PCDHA5: variants seen among roughly 807,000 people sequenced by gnomAD.
PCDHA5 encodes the protein protocadherin alpha-5.
In PCDHA5, 43 loss-of-function variants were observed where a neutral mutation model predicts 61.6. The ratio of observed to expected loss-of-function variants is 0.70; its 90% CI spans 0.55 to 0.90. PCDHA5 has a LOEUF of 0.90. Among genes scored for constraint, PCDHA5 ranks in the 40% least tolerant of loss-of-function variants. The pLI, the probability that PCDHA5 is intolerant of heterozygous loss-of-function variation, is 0.00. For synonymous variants in PCDHA5, 627 were observed against 543.9 expected, an observed-to-expected ratio of 1.15 and a Z score of -2.13; for missense variants, 1,298 against 1,222.7, an observed-to-expected ratio of 1.06 and a Z score of -0.92.
At position 140,841,506 on chromosome 5, in the gene PCDHA5, G is replaced by C. The variant is rs2150316870; in HGVS notation, c.2352+17379G>C. ...CTGGAGCTGGCGGAGCTGGTGCCGC[G>C]CCTGTTCCGGGTGGCGTCCAAAAGA... On this transcript the variant is annotated intron_variant, in intron 1 of 3. Coordinates refer to ENST00000529859, the MANE Select transcript of PCDHA5 (RefSeq NM_018908.3). 4 of 1,613,388 alleles carry C rather than the reference G, an allele frequency of 2.5e-6. No homozygotes were observed. Among genetic ancestry groups the C allele is most frequent in the Admixed American group, 1.7e-5 (1 of 60,006 alleles).
intron 1 of PCDHA5, chr5:140,830,263 G>T: frequency 6.2e-7 from 1 of 1,613,640 alleles, no homozygotes; most frequent in African/African-American, 1.3e-5. Flanking sequence ...TGCGGTGCTC[G>T]GCGCCACCCA....
intron 1 of PCDHA5, chr5:140,968,773 A>G (rs528972800): frequency 4.3e-6 from 7 of 1,614,206 alleles, no homozygotes; most frequent in Non-Finnish European, 5.1e-6. Flanking sequence ...GAGAGCCATC[A>G]CTATCAGCCT....
In PCDHA5 at chr5:140,843,548, A is replaced by G. The variant is rs2150362453; in HGVS notation, c.2352+19421A>G. ...GGGCAAGCCCACTCTGGTGTGCTCC[A>G]GTGCGGTGGGGAGCTGGTCATACTC... On this transcript the variant is annotated intron_variant, in intron 1 of 3. Coordinates refer to ENST00000529859, the MANE Select transcript of PCDHA5 (RefSeq NM_018908.3). 4 of 1,595,966 alleles carry G rather than the reference A, an allele frequency of 2.5e-6. 1 individual carries two copies. The South Asian group carries it at 4.4e-5, about 18-fold the overall frequency.
chr5:140,857,928 C>A (rs529968685), intron 1 of PCDHA5: 1 of 1,597,668 alleles, frequency 6.3e-7, no homozygotes, highest in East Asian at 2.2e-5. Flanking sequence ...GGGCTGTACA[C>A]GGGCGAGATC....
At chr5:140,941,754 T>A (rs2093159057) in intron 1 of PCDHA5, among the ~76,000 whole-genome samples, 1 of 152,256 alleles carries the variant, frequency 6.6e-6, no homozygotes, top group African/African-American at 2.4e-5. Context: ...AGATTTTCAG[T>A]GCTTTTAAGA....
intron 3 of PCDHA5, 123 bp downstream of exon 3, chr5:140,982,686 C>T: frequency 2.8e-6 from 4 of 1,418,870 alleles, no homozygotes; most frequent in Non-Finnish European, 3.7e-6. Context: ...TCCCTTTTTT[C>T]CATACATACA....
At chr5:141,003,515 G>T (rs1402480495) in intron 3 of PCDHA5, among the ~76,000 whole-genome samples, 1 of 152,114 alleles carries the variant, frequency 6.6e-6, no homozygotes, top group African/African-American at 2.4e-5. Context: ...GTTTCACCAT[G>T]TTCCCTAGGC....
chr5:140,976,814 A>G (rs1276394910), intron 1 of PCDHA5, among the ~76,000 whole-genome samples: 1 of 152,242 alleles, frequency 6.6e-6, no homozygotes, highest in East Asian at 1.9e-4. Flanking sequence ...GAAGATATGC[A>G]TGTGTCTAAT....
chr5:140,940,413 A>G (rs2092607327), intron 1 of PCDHA5, among the ~76,000 whole-genome samples: 1 of 152,166 alleles, frequency 6.6e-6, no homozygotes, highest in East Asian at 1.9e-4. Context: ...TTTAAAAATT[A>G]TAATTATTAC....
At chr5:140,845,678 G>T (rs1374984475) in intron 1 of PCDHA5, among the ~76,000 whole-genome samples, 3 of 149,382 alleles carry the variant, frequency 2.0e-5, no homozygotes, top group Non-Finnish European at 4.5e-5. Flanking sequence ...CATTGGTAAA[G>T]GATTTGTTAT....
intron 1 of PCDHA5, 34 bp downstream of exon 1, chr5:140,824,161 T>G: frequency 9.3e-6 from 15 of 1,610,948 alleles, no homozygotes; most frequent in Non-Finnish European, 1.2e-5. Flanking sequence ...CATCTTTCCC[T>G]CCCAATTTTC....
chr5:140,849,787 G>A lies in PCDHA5; in HGVS notation c.2352+25660G>A, dbSNP rs1421161535. The stretch of plus-strand genomic sequence containing the variant: ...CTGGTGGTTACCGCGCGGGACGGGG[G>A]CTCGCCTTCACTGTGGGCCACGGCC... On this transcript the variant is annotated intron_variant, in intron 1 of 3. Transcript: ENST00000529859. 3.1e-6 allele frequency: 5 copies of A among 1,598,342 alleles called. 1 individual carries two copies. The highest frequency in any genetic ancestry group is 3.4e-4 in the Middle Eastern group (2 of 5,864).
At chr5:140,993,437 C>A (rs1193523462) in intron 3 of PCDHA5, among the ~76,000 whole-genome samples, 1 of 150,056 alleles carries the variant, frequency 6.7e-6, no homozygotes, top group Non-Finnish European at 1.5e-5. Context: ...AATCCTTATT[C>A]ATTCCTGTTC....
chr5:140,955,359 C>A (rs1390938554), intron 1 of PCDHA5, among the ~76,000 whole-genome samples: 1 of 151,992 alleles, frequency 6.6e-6, no homozygotes, highest in African/African-American at 2.4e-5. Context: ...TGAGAGGGAC[C>A]CAGTGGGAGG....
chr5:140,871,702 T>C, intron 1 of PCDHA5: 1 of 877,954 alleles, frequency 1.1e-6, no homozygotes, highest in Non-Finnish European at 1.7e-6. Flanking sequence ...CTTTAACCAA[T>C]AAATGTCCTA....
intron 1 of PCDHA5, chr5:140,868,934 G>T: frequency 2.7e-6 from 3 of 1,116,548 alleles, no homozygotes; most frequent in African/African-American, 1.6e-5. Context: ...TTTAAAGGTT[G>T]GTCTGAACAG....
intron 2 of PCDHA5, 36 bp downstream of exon 2, chr5:140,979,043 C>G: frequency 6.2e-7 from 1 of 1,612,500 alleles, no homozygotes. Context: ...CAGAAGTAAC[C>G]TTAACTTGGT....
At chr5:140,867,196 T>G (rs2049814377) in intron 1 of PCDHA5, 1 of 152,086 alleles carries the variant, frequency 6.6e-6, no homozygotes, top group Non-Finnish European at 1.5e-5. Context: ...AGACTCCACA[T>G]TCCATGTAAC....
intron 1 of PCDHA5, among the ~76,000 whole-genome samples, chr5:140,935,276 T>TA (rs1447867343): frequency 6.6e-6 from 1 of 152,226 alleles, no homozygotes; most frequent in African/African-American, 2.4e-5. Flanking sequence ...ACTAATCTAA[T>TA]AAAGTTCAGC....
Sources: allele counts gnomAD v4.1 joint callset (sites outside exome capture counted in the v4.1 genomes callset), GRCh38; gene constraint gnomAD v4.1.1; transcripts MANE v1.5; gene names NCBI Gene and HGNC (gene_info 2026-07-23, HGNC 2026-07-21).